AATF: variants seen among roughly 807,000 people sequenced by gnomAD.
AATF encodes protein AATF.
Under a neutral mutation model 63.7 loss-of-function variants are expected in AATF, and 48 were observed. The observed-to-expected ratio is 0.75, with a 90% CI of 0.60 to 0.96. AATF has a LOEUF of 0.96. AATF is among the 40% of genes least tolerant of loss of function. The pLI, the probability that AATF is intolerant of heterozygous loss-of-function variation, is 0.00. For missense variants in AATF, 639 were observed against 685.7 expected (o/e 0.93, Z 0.76); for synonymous variants, 258 against 247.7 (o/e 1.04, Z -0.39).
At chr17:37,046,437 G>A (rs189122287) in intron 11 of AATF, among the ~76,000 whole-genome samples, 22 of 152,182 alleles carry the variant, frequency 1.4e-4, no homozygotes, top group African/African-American at 4.8e-4. Flanking sequence ...GGAGACTTCC[G>A]GGTAGGGCAG....
intron 11 of AATF, among the ~76,000 whole-genome samples, chr17:37,046,343 A>G (rs1489961348): frequency 6.6e-6 from 1 of 152,058 alleles, no homozygotes; most frequent in African/African-American, 2.4e-5. Context: ...GGGTGTCAAA[A>G]GAAGAGAGGA....
At chr17:37,011,337 G>T (rs759105121) in intron 8 of AATF, among the ~76,000 whole-genome samples, 1 of 151,954 alleles carries the variant, frequency 6.6e-6, no homozygotes, top group Non-Finnish European at 1.5e-5. Flanking sequence ...ATAGCACCAC[G>T]GCACTCCAGC....
intron 8 of AATF, among the ~76,000 whole-genome samples, chr17:36,996,782 G>A (rs985600237): frequency 6.6e-6 from 1 of 152,170 alleles, no homozygotes; most frequent in African/African-American, 2.4e-5. Flanking sequence ...TTTTAAATGC[G>A]AAGTCTAGAA....
intron 10 of AATF, among the ~76,000 whole-genome samples, chr17:37,021,804 CAA>C (rs1246008885): frequency 1.1e-5 from 1 of 91,598 alleles, no homozygotes; most frequent in Non-Finnish European, 2.0e-5. Context: ...GACTCCGTCT[CAA>C]AAAAAAAAAA....
At chr17:37,043,998 A>G (rs1433909594) in intron 11 of AATF, among the ~76,000 whole-genome samples, 1 of 152,214 alleles carries the variant, frequency 6.6e-6, no homozygotes, top group African/African-American at 2.4e-5. Context: ...AGCATGCAAT[A>G]CAGACATAGC....
intron 10 of AATF, among the ~76,000 whole-genome samples, chr17:37,024,706 C>T (rs2071498041): frequency 6.6e-6 from 1 of 152,188 alleles, no homozygotes; most frequent in Non-Finnish European, 1.5e-5. Context: ...CACCTGTAAT[C>T]CCAGCACTTT....
chr17:37,028,163 G>C (rs962649181), intron 10 of AATF, among the ~76,000 whole-genome samples: 5 of 152,050 alleles, frequency 3.3e-5, no homozygotes, highest in African/African-American at 1.2e-4. Flanking sequence ...TGTAATTCCA[G>C]CACTTTGGGA....
intron 11 of AATF, among the ~76,000 whole-genome samples, chr17:37,038,755 C>A (rs978069500): frequency 6.6e-6 from 1 of 152,132 alleles, no homozygotes; most frequent in Non-Finnish European, 1.5e-5. Context: ...CCCAAAAATA[C>A]AAAACTACCT....
chr17:36,953,515 A>G (rs958563389), intron 3 of AATF, among the ~76,000 whole-genome samples: 59 of 152,216 alleles, frequency 3.9e-4, no homozygotes, highest in African/African-American at 1.4e-3. Context: ...ACTTCCTGCA[A>G]CTGGGGAAGA....
At position 36,988,255 on chromosome 17, in the gene AATF, G is replaced by A. The variant is rs112442202; in HGVS notation, c.948-264G>A. On this transcript the variant is annotated intron_variant, in intron 5 of 11. Coordinates refer to ENST00000619387, the MANE Select transcript of AATF (RefSeq NM_012138.4). ...TTGCTTGAACCCAGAAGTGGAGGTT[G>A]CAGTGAGCCAAGATCGCGCCACTGC... Among the ~76,000 whole-genome samples, 221 of 152,270 alleles carry A rather than the reference G, an allele frequency of 1.5e-3. 1 individual carries two copies. The highest frequency in any genetic ancestry group is 5.2e-3 in the African/African-American group (215 of 41,556).
Position 36,965,622 on chromosome 17 carries a change from G to A in AATF, c.832+11715G>A, listed in dbSNP as rs1188765911. Among the ~76,000 whole-genome samples, 5 of 152,204 alleles carry A rather than the reference G, an allele frequency of 3.3e-5. No individual in the cohort carries two copies. In the East Asian group the frequency reaches 9.6e-4, roughly 29 times the overall value. The stretch of plus-strand genomic sequence containing the variant: ...CATCCCAGTGTTTTCCAGTGACAAG[G>A]TATGAATCTCATTCCTTTGTAGATG... On this transcript the variant is annotated intron_variant, in intron 4 of 11. Transcript: ENST00000619387.
At chr17:36,977,470 A>G (rs923344472) in intron 4 of AATF, among the ~76,000 whole-genome samples, 9 of 151,874 alleles carry the variant, frequency 5.9e-5, no homozygotes, top group Non-Finnish European at 1.2e-4. Context: ...ACCACAGCAG[A>G]GGCTGTTTTT....
intron 8 of AATF, among the ~76,000 whole-genome samples, chr17:37,010,890 G>A (rs2071385483): frequency 2.0e-5 from 3 of 152,210 alleles, no homozygotes; most frequent in Admixed American, 1.3e-4. Flanking sequence ...GGTTAGGTTG[G>A]AGAGGTAGAC....
chr17:37,024,611 G>A (rs1269233670), intron 10 of AATF, among the ~76,000 whole-genome samples: 3 of 152,172 alleles, frequency 2.0e-5, no homozygotes, highest in Admixed American at 2.0e-4. Flanking sequence ...GTAGACTGTA[G>A]TGAGTCATTG....
chr17:36,952,762 G>C, intron 2 of AATF, 124 bp from the exon 3 acceptor site: 1 of 1,453,326 alleles, frequency 6.9e-7, no homozygotes, highest in Non-Finnish European at 9.1e-7. Flanking sequence ...ATATATTGTT[G>C]AATTGAGTGC....
At chr17:36,982,221 GTTTTTTGTTTTGTT>G (rs1260819366) in intron 4 of AATF, among the ~76,000 whole-genome samples, 1 of 125,332 alleles carries the variant, frequency 8.0e-6, no homozygotes, top group African/African-American at 3.1e-5. Context: ...TTTCCTGTTT[GTTTTTTGTTTTGTT>G]TTTTTTTTTT....
chr17:37,012,202 C>T (rs1003678332), intron 8 of AATF, among the ~76,000 whole-genome samples: 1 of 152,026 alleles, frequency 6.6e-6, no homozygotes, highest in Non-Finnish European at 1.5e-5. Flanking sequence ...TACAGGCATG[C>T]GCCACCATGC....
intron 4 of AATF, among the ~76,000 whole-genome samples, chr17:36,958,797 A>T (rs1312992414): frequency 6.6e-6 from 1 of 152,238 alleles, no homozygotes; most frequent in African/African-American, 2.4e-5. Flanking sequence ...AAAGATAAGG[A>T]TTTTAAAAAA....
At chr17:36,974,826 A>T (rs1374922830) in intron 4 of AATF, among the ~76,000 whole-genome samples, 1 of 152,130 alleles carries the variant, frequency 6.6e-6, no homozygotes, top group East Asian at 1.9e-4. Context: ...GGTTCTAGGG[A>T]TAGATGATCT....
Sources: allele counts gnomAD v4.1 joint callset (sites outside exome capture counted in the v4.1 genomes callset), GRCh38; gene constraint gnomAD v4.1.1; transcripts MANE v1.5; gene names NCBI Gene and HGNC (gene_info 2026-07-23, HGNC 2026-07-21).